Variants in MAGI3 observed in about 807,000 individuals in gnomAD.
The protein encoded by MAGI3 is membrane-associated guanylate kinase, WW and PDZ domain-containing protein 3.
Under a neutral mutation model 121.8 loss-of-function variants are expected in MAGI3, and 43 were observed. The ratio of observed to expected loss-of-function variants is 0.35; its 90% confidence interval spans 0.28 to 0.46. The LOEUF (loss-of-function observed/expected upper bound fraction) is 0.46, where lower values mean the gene tolerates loss of function less well. MAGI3 is among the 20% of genes least tolerant of loss of function. The pLI, the probability that MAGI3 is intolerant of heterozygous loss-of-function variation, is 1.00. For synonymous variants in MAGI3, 553 were observed against 639.3 expected (o/e 0.86, Z 2.04); for missense variants, 1,547 against 1,797.3 (o/e 0.86, Z 2.52).
intron 1 of MAGI3, among the ~76,000 whole-genome samples, chr1:113,545,361 G>A (rs1659489081): frequency 1.3e-5 from 2 of 151,678 alleles, no homozygotes; most frequent in African/African-American, 4.8e-5. Flanking sequence ...TTGTATAATT[G>A]CTATTGGATT....
intron 6 of MAGI3, among the ~76,000 whole-genome samples, chr1:113,600,501 A>G (rs1410047189): frequency 2.0e-5 from 3 of 152,132 alleles, no homozygotes; most frequent in Non-Finnish European, 2.9e-5. Flanking sequence ...AATACCTAGG[A>G]ATCCAACTTA....
rs1647682353 is a variant in MAGI3 at position 113,576,895 on chromosome 1, T to G, written c.434-3647T>G. On this transcript the variant is annotated intron_variant, in intron 2 of 20. Transcript: ENST00000307546. ...AGAAAGTGTGGGATTAAATAAACAG[T>G]GAAGTGACTTTACACACCCAGGATA... The G allele has an allele frequency of 3.3e-5, 5 of 152,084 alleles. No homozygotes were observed. The South Asian group carries it at 1.0e-3, about 32-fold the overall frequency. The allele number at this position is 152,084 out of a possible 1,614,324, so 9.4% of individuals were successfully genotyped here.
intron 2 of MAGI3, among the ~76,000 whole-genome samples, chr1:113,571,370 A>G (rs915146384): frequency 6.6e-6 from 1 of 152,174 alleles, no homozygotes; most frequent in South Asian, 2.1e-4. Context: ...TGTCTTGGCT[A>G]TATGAGGTCT....
chr1:113,661,799 C>T (rs1653797408), intron 16 of MAGI3, among the ~76,000 whole-genome samples: 2 of 152,114 alleles, frequency 1.3e-5, no homozygotes, highest in Non-Finnish European at 2.9e-5. Flanking sequence ...CAGCCACAGC[C>T]TCTTAAAATA....
At chr1:113,533,866 A>T (rs1658844245) in intron 1 of MAGI3, among the ~76,000 whole-genome samples, 1 of 140,550 alleles carries the variant, frequency 7.1e-6, no homozygotes, top group Non-Finnish European at 1.6e-5. Flanking sequence ...TGTTGTTTTT[A>T]CCTTTTTCTT....
intron 2 of MAGI3, among the ~76,000 whole-genome samples, chr1:113,562,172 A>G (rs892165761): frequency 2.0e-5 from 3 of 152,164 alleles, no homozygotes; most frequent in African/African-American, 4.8e-5. Flanking sequence ...TTGGGAGGCC[A>G]AGGCGGGCAG....
intron 19 of MAGI3, among the ~76,000 whole-genome samples, chr1:113,674,908 C>G (rs1364533341): frequency 1.3e-5 from 2 of 152,062 alleles, no homozygotes; most frequent in African/African-American, 4.8e-5. Context: ...CATAGGATTT[C>G]AATAGGGAGA....
intron 1 of MAGI3, among the ~76,000 whole-genome samples, chr1:113,469,345 A>C (rs1047002530): frequency 2.6e-5 from 4 of 152,220 alleles, no homozygotes; most frequent in Admixed American, 1.3e-4. Context: ...ATCCATAATT[A>C]TCACTTTCAA....
At chr1:113,510,557 C>T (rs1016857309) in intron 1 of MAGI3, among the ~76,000 whole-genome samples, 5 of 152,094 alleles carry the variant, frequency 3.3e-5, no homozygotes, top group African/African-American at 4.8e-5. Flanking sequence ...GAGATATCGC[C>T]CTTAAGTTTT....
At chr1:113,528,481 A>C (rs1658555806) in intron 1 of MAGI3, among the ~76,000 whole-genome samples, 1 of 152,180 alleles carries the variant, frequency 6.6e-6, no homozygotes. Flanking sequence ...AATACTTCAT[A>C]GATGACACTG....
intron 11 of MAGI3, among the ~76,000 whole-genome samples, chr1:113,645,014 C>CT (rs1306953506): frequency 7.2e-6 from 1 of 139,604 alleles, no homozygotes; most frequent in Non-Finnish European, 1.5e-5. Context: ...AATCCCTCAG[C>CT]TTCTGGCCTT....
chr1:113,652,572 C>T (rs1464554971), intron 14 of MAGI3, among the ~76,000 whole-genome samples: 1 of 151,874 alleles, frequency 6.6e-6, no homozygotes, highest in East Asian at 1.9e-4. Flanking sequence ...AACCTACGCT[C>T]TTCCCTGGAA....
At chr1:113,451,127 A>G (rs1416224586) in intron 1 of MAGI3, among the ~76,000 whole-genome samples, 1 of 152,102 alleles carries the variant, frequency 6.6e-6, no homozygotes, top group African/African-American at 2.4e-5. Context: ...CAAAAGAAAA[A>G]TTTTTCAGTA....
At chr1:113,662,572 CTTTTG>C (rs1010773276) in intron 16 of MAGI3, among the ~76,000 whole-genome samples, 9 of 152,136 alleles carry the variant, frequency 5.9e-5, no homozygotes, top group African/African-American at 1.7e-4. Context: ...TGTTGCAATA[CTTTTG>C]TTTTGTTTTG....
chr1:113,409,151 A>G (rs777001505), intron 1 of MAGI3, among the ~76,000 whole-genome samples: 2 of 151,284 alleles, frequency 1.3e-5, no homozygotes, highest in African/African-American at 2.4e-5. Flanking sequence ...CACATGGGTT[A>G]AAAAAGGATC....
At chr1:113,482,960 C>G (rs1480319544) in intron 1 of MAGI3, among the ~76,000 whole-genome samples, 2 of 152,096 alleles carry the variant, frequency 1.3e-5, no homozygotes, top group African/African-American at 2.4e-5. Context: ...CATGCACTAC[C>G]ATGCCCAACT....
At chr1:113,443,811 T>C (rs1282164358) in intron 1 of MAGI3, among the ~76,000 whole-genome samples, 1 of 152,222 alleles carries the variant, frequency 6.6e-6, no homozygotes, top group Non-Finnish European at 1.5e-5. Context: ...AGACTATATG[T>C]TTTATATATT....
chr1:113,590,705 G>T, intron 5 of MAGI3, 47 bp downstream of exon 5: 1 of 1,493,362 alleles, frequency 6.7e-7, no homozygotes, highest in South Asian at 1.4e-5. Flanking sequence ...ACATGTTGAG[G>T]ATTGTCTAAG....
At chr1:113,588,849 T>C (rs552779034) in intron 4 of MAGI3, among the ~76,000 whole-genome samples, 3 of 152,252 alleles carry the variant, frequency 2.0e-5, no homozygotes, top group East Asian at 1.9e-4. Context: ...ATAAACTCTT[T>C]CAAGGTGGTT....
Sources: allele counts gnomAD v4.1 joint callset (sites outside exome capture counted in the v4.1 genomes callset), GRCh38; gene constraint gnomAD v4.1.1; transcripts MANE v1.5; gene names NCBI Gene and HGNC (gene_info 2026-07-23, HGNC 2026-07-21).